The following LRMDA variants were observed in gnomAD, a reference collection of about 807,000 sequenced individuals.
LRMDA encodes the protein leucine-rich melanocyte differentiation-associated protein.
LRMDA carries 18 observed loss-of-function variants against 29.8 expected under a neutral mutation model. The ratio of observed to expected loss-of-function variants is 0.60; its 90% CI spans 0.42 to 0.90. The LOEUF is 0.90. Ranked by LOEUF, LRMDA falls within the 40% of genes least tolerant of loss-of-function variation. The pLI is 0.00. For synonymous variants in LRMDA, 125 were observed against 109.4 expected (o/e 1.14, Z -0.89); for missense variants, 273 against 273.9 (o/e 1.00, Z 0.02).
At chr10:76,166,128 G>T (rs182154169) in intron 5 of LRMDA, among the ~76,000 whole-genome samples, 9 of 152,264 alleles carry the variant, frequency 5.9e-5, no homozygotes, top group African/African-American at 2.2e-4. Flanking sequence ...TCATTTGTCC[G>T]ATGTGAAGGG....
At chr10:76,457,728 A>C (rs573802461) in intron 6 of LRMDA, among the ~76,000 whole-genome samples, 11 of 152,318 alleles carry the variant, frequency 7.2e-5, no homozygotes, top group African/African-American at 2.4e-4. Flanking sequence ...AAACAGAAAT[A>C]TAGAAACAAC....
At chr10:76,400,959 G>A (rs1209688908) in intron 6 of LRMDA, among the ~76,000 whole-genome samples, 1 of 152,136 alleles carries the variant, frequency 6.6e-6, no homozygotes, top group Non-Finnish European at 1.5e-5. Flanking sequence ...CTTACCTGTT[G>A]AGCATCCCCA....
At chr10:75,442,105 T>C (rs1844332689) in intron 2 of LRMDA, among the ~76,000 whole-genome samples, 1 of 152,226 alleles carries the variant, frequency 6.6e-6, no homozygotes, top group South Asian at 2.1e-4. Flanking sequence ...TATACTAACA[T>C]ATGATTTTTA....
intron 5 of LRMDA, among the ~76,000 whole-genome samples, chr10:76,237,067 A>G (rs1852165912): frequency 6.6e-6 from 1 of 152,236 alleles, no homozygotes; most frequent in South Asian, 2.1e-4. Flanking sequence ...TACATTTATA[A>G]TAAAAGAAAA....
At chr10:75,490,336 TACACACAC>T (rs56077469) in intron 2 of LRMDA, among the ~76,000 whole-genome samples, 3,906 of 148,102 alleles carry the variant, frequency 0.026, 96 homozygotes, top group Middle Eastern at 0.077. Flanking sequence ...CATGTACACA[TACACACAC>T]ACACACACAC....
chr10:76,226,321 A>G (rs1239869923), intron 5 of LRMDA, among the ~76,000 whole-genome samples: 3 of 151,866 alleles, frequency 2.0e-5, no homozygotes, highest in Non-Finnish European at 4.4e-5. Context: ...GGTGGCTTAT[A>G]CCTGTAATCC....
chr10:75,614,361 A>G (rs562970243), intron 2 of LRMDA, among the ~76,000 whole-genome samples: 1 of 152,258 alleles, frequency 6.6e-6, no homozygotes, highest in East Asian at 1.9e-4. Flanking sequence ...GGGATGATGT[A>G]TGTGGCGGCT....
intron 2 of LRMDA, among the ~76,000 whole-genome samples, chr10:75,959,224 G>A (rs1846719226): frequency 6.6e-6 from 1 of 152,168 alleles, no homozygotes; most frequent in Non-Finnish European, 1.5e-5. Flanking sequence ...CAGTCTTCAT[G>A]GAGGAGCTGC....
At chr10:76,074,982 G>A (rs1848934818) in intron 5 of LRMDA, among the ~76,000 whole-genome samples, 1 of 152,126 alleles carries the variant, frequency 6.6e-6, no homozygotes, top group African/African-American at 2.4e-5. Flanking sequence ...TCCTTCCTGG[G>A]TTCAGCCCAT....
chr10:75,709,349 AGT>A (rs983217052), intron 2 of LRMDA, among the ~76,000 whole-genome samples: 1 of 151,574 alleles, frequency 6.6e-6, no homozygotes, highest in African/African-American at 2.4e-5. Flanking sequence ...TGCATGCATA[AGT>A]GTGTGTGTCT....
intron 6 of LRMDA, among the ~76,000 whole-genome samples, chr10:76,492,536 C>T (rs1387798509): frequency 6.6e-6 from 1 of 152,060 alleles, no homozygotes; most frequent in East Asian, 1.9e-4. Context: ...TACTTTCTCC[C>T]AAACAAATGG....
intron 2 of LRMDA, among the ~76,000 whole-genome samples, chr10:75,723,586 C>G (rs1303341878): frequency 6.6e-6 from 1 of 152,146 alleles, no homozygotes; most frequent in Non-Finnish European, 1.5e-5. Context: ...AATGGGTGTT[C>G]ATAGTTTATT....
At chr10:75,624,101 A>G (rs973748649) in intron 2 of LRMDA, among the ~76,000 whole-genome samples, 4 of 152,234 alleles carry the variant, frequency 2.6e-5, no homozygotes, top group African/African-American at 9.6e-5. Flanking sequence ...GTAGAAACAA[A>G]TATAATGAAT....
chr10:76,518,247 C>T (rs1031724773), intron 6 of LRMDA, among the ~76,000 whole-genome samples: 2 of 151,522 alleles, frequency 1.3e-5, no homozygotes, highest in Non-Finnish European at 2.9e-5. Context: ...TATCTACCTA[C>T]CTACCTACCT....
At chr10:75,431,802 G>A in intron 1 of LRMDA, 48 bp downstream of exon 1, 1 of 1,314,736 alleles carries the variant, frequency 7.6e-7, no homozygotes, top group South Asian at 2.3e-5. Flanking sequence ...GTCCGCGTGG[G>A]GAGGGACAGC....
At chr10:75,764,669 A>G (rs989161824) in intron 2 of LRMDA, among the ~76,000 whole-genome samples, 1 of 152,354 alleles carries the variant, frequency 6.6e-6, no homozygotes, top group East Asian at 1.9e-4. Context: ...CACGGCTAAC[A>G]GACAGATAGA....
At chr10:76,477,314 G>C (rs1040182301) in intron 6 of LRMDA, among the ~76,000 whole-genome samples, 14 of 151,948 alleles carry the variant, frequency 9.2e-5, no homozygotes, top group African/African-American at 3.4e-4. Context: ...GCTTCAAAGA[G>C]AATAAAATAC....
At chr10:75,486,301 A>T (rs1298042772) in intron 2 of LRMDA, among the ~76,000 whole-genome samples, 3 of 152,216 alleles carry the variant, frequency 2.0e-5, no homozygotes, top group African/African-American at 4.8e-5. Flanking sequence ...TTATTTTCAC[A>T]CTATAGCATT....
At chr10:76,553,352 C>T (rs755323286) in intron 6 of LRMDA, among the ~76,000 whole-genome samples, 9 of 152,226 alleles carry the variant, frequency 5.9e-5, no homozygotes, top group Non-Finnish European at 1.0e-4. Flanking sequence ...CAAATGAATC[C>T]GTTGCAGATG....
Sources: allele counts gnomAD v4.1 joint callset (sites outside exome capture counted in the v4.1 genomes callset), GRCh38; gene constraint gnomAD v4.1.1; transcripts MANE v1.5; gene names NCBI Gene and HGNC (gene_info 2026-07-23, HGNC 2026-07-21).